Variants in KIF13B observed in about 807,000 individuals in gnomAD.
KIF13B encodes kinesin-like protein KIF13B.
KIF13B carries 127 observed loss-of-function variants against 222.0 expected under a neutral mutation model. The observed-to-expected ratio is 0.57, with a 90% CI of 0.50 to 0.66. The LOEUF (loss-of-function observed/expected upper bound fraction) is 0.66. Among genes scored for constraint, KIF13B ranks in the 30% least tolerant of loss-of-function variants. KIF13B has a pLI of 0.00. For missense variants in KIF13B, 2,173 were observed against 2,379.0 expected (o/e 0.91, Z 1.80); for synonymous variants, 976 against 919.0 (o/e 1.06, Z -1.12).
chr8:29,211,983 CTTAGCATGTTT>C (rs927804127), intron 2 of KIF13B, among the ~76,000 whole-genome samples: 1 of 152,142 alleles, frequency 6.6e-6, no homozygotes, highest in African/African-American at 2.4e-5. Context: ...GTGTCTATCA[CTTAGCATGTTT>C]TTAAGATTCA....
chr8:29,126,351 T>C, intron 26 of KIF13B, 131 bp downstream of exon 26: 1 of 657,574 alleles, frequency 1.5e-6, no homozygotes. Flanking sequence ...TACTCTGTTT[T>C]ACTTTAAAAC....
At chr8:29,090,588 T>G (rs1444471216) in intron 37 of KIF13B, among the ~76,000 whole-genome samples, 1 of 152,204 alleles carries the variant, frequency 6.6e-6, no homozygotes, top group Admixed American at 6.5e-5. Flanking sequence ...CTGGCCACCC[T>G]GAGAAAAGGG....
chr8:29,159,429 T>C (rs1466912037), intron 13 of KIF13B, among the ~76,000 whole-genome samples: 1 of 152,130 alleles, frequency 6.6e-6, no homozygotes, highest in African/African-American at 2.4e-5. Flanking sequence ...GGATTACAGG[T>C]GTGAGCCACC....
At chr8:29,182,065 C>A (rs1812737011) in intron 6 of KIF13B, 59 bp from the exon 7 acceptor site, 1 of 1,247,404 alleles carries the variant, frequency 8.0e-7, no homozygotes, top group African/African-American at 1.5e-5. Context: ...AAAAAGGACT[C>A]AGCTCTGCTC....
At chr8:29,074,111 G>A (rs967251911) in intron 38 of KIF13B, among the ~76,000 whole-genome samples, 10 of 152,106 alleles carry the variant, frequency 6.6e-5, no homozygotes, top group Non-Finnish European at 1.3e-4. Context: ...CCCCCACCCC[G>A]GGTAAGGCCA....
At chr8:29,202,011 G>C (rs1014875868) in intron 2 of KIF13B, among the ~76,000 whole-genome samples, 3 of 152,186 alleles carry the variant, frequency 2.0e-5, no homozygotes, top group Non-Finnish European at 4.4e-5. Flanking sequence ...AGCCCTGTTC[G>C]TTGTGTCCTC....
Position 29,222,172 on chromosome 8 carries a change from C to T in KIF13B, c.149+23174G>A, listed in dbSNP as rs889488037. On this transcript the variant is annotated intron_variant, in intron 2 of 39. Transcript: ENST00000524189. The stretch of plus-strand genomic sequence containing the variant: ...GACCAGCCTGGGCAACAATGTGAGA[C>T]CCCATCTCTACAAAAAAAGAAAAAA... Among the ~76,000 whole-genome samples, 5 of 151,974 alleles carry T rather than the reference C, an allele frequency of 3.3e-5. No homozygotes were observed. In the East Asian group the frequency reaches 9.7e-4, roughly 29 times the overall value.
At chr8:29,112,377 G>T (rs1008579416) in intron 32 of KIF13B, among the ~76,000 whole-genome samples, 2 of 142,230 alleles carry the variant, frequency 1.4e-5, no homozygotes, top group African/African-American at 5.3e-5. Flanking sequence ...AGGTTGCAGT[G>T]AGCCAAGATC....
intron 1 of KIF13B, among the ~76,000 whole-genome samples, chr8:29,245,722 G>C (rs532362581): frequency 6.6e-6 from 1 of 152,214 alleles, no homozygotes; most frequent in African/African-American, 2.4e-5. Flanking sequence ...AGGAATTCTA[G>C]TCAGGGCAGT....
chr8:29,136,066 A>G (rs961523663), intron 21 of KIF13B, among the ~76,000 whole-genome samples: 3 of 152,220 alleles, frequency 2.0e-5, no homozygotes, highest in African/African-American at 7.2e-5. Context: ...AAACACCTAG[A>G]TAGCTACTTC....
chr8:29,148,581 G>A lies in KIF13B; in HGVS notation c.1809C>T (p.Ser603=), dbSNP rs377611054. 2.1e-5 allele frequency: 33 copies of A among 1,596,752 alleles called. No homozygotes were observed. The African/African-American group carries it at 2.7e-4, about 13-fold the overall frequency. The change falls in exon 16 of 40, where the codon AGC becomes AGT. Residue 603 remains serine (S), a synonymous_variant. Coordinates refer to ENST00000524189, the MANE Select transcript of KIF13B (RefSeq NM_015254.4). Reference sequence around the variant, plus strand: ...GTGCACGCCCGACTTGCTCACCATTGCTGCCCAGGGCCTTCATGGTGACCT... The same window carrying A: ...GTGCACGCCCGACTTGCTCACCATTACTGCCCAGGGCCTTCATGGTGACCT... ...QMEVTMKALG[S]NDPMQSILNS...
At chr8:29,247,879 A>C (rs1452028261) in intron 1 of KIF13B, among the ~76,000 whole-genome samples, 2 of 151,862 alleles carry the variant, frequency 1.3e-5, no homozygotes, top group Non-Finnish European at 2.9e-5. Flanking sequence ...AAATTTTTAA[A>C]TAGGCAAAGG....
intron 32 of KIF13B, among the ~76,000 whole-genome samples, chr8:29,111,665 G>T (rs1809360705): frequency 6.6e-6 from 1 of 151,984 alleles, no homozygotes; most frequent in Admixed American, 6.6e-5. Context: ...TTTTTAAAAG[G>T]CATAAGAAAC....
intron 37 of KIF13B, among the ~76,000 whole-genome samples, chr8:29,092,218 G>A (rs1164735509): frequency 2.6e-5 from 4 of 152,208 alleles, no homozygotes; most frequent in Admixed American, 2.6e-4. Context: ...TGATTGTTTG[G>A]AAAACCTTTT....
chr8:29,257,535 G>C (rs1210686463), intron 1 of KIF13B, among the ~76,000 whole-genome samples: 1 of 152,130 alleles, frequency 6.6e-6, no homozygotes, highest in Non-Finnish European at 1.5e-5. Flanking sequence ...GGAGGTGAGA[G>C]GGTAAAAGCT....
intron 14 of KIF13B, among the ~76,000 whole-genome samples, chr8:29,154,031 G>A (rs1199532185): frequency 1.3e-5 from 2 of 152,184 alleles, no homozygotes; most frequent in East Asian, 3.8e-4. Context: ...CTGGATCTTG[G>A]CGAGGCACAG....
intron 35 of KIF13B, among the ~76,000 whole-genome samples, chr8:29,104,295 G>A (rs558574647): frequency 1.3e-5 from 2 of 151,902 alleles, no homozygotes; most frequent in East Asian, 1.9e-4. Context: ...TTCATCTCTC[G>A]GACCTATACA....
At chr8:29,137,949 CAG>C (rs1810639616) in intron 21 of KIF13B, among the ~76,000 whole-genome samples, 1 of 152,200 alleles carries the variant, frequency 6.6e-6, no homozygotes, top group Admixed American at 6.5e-5. Context: ...GTGAATGCAA[CAG>C]ATAGACACAC....
chr8:29,125,088 G>A (rs1810049180), intron 26 of KIF13B, among the ~76,000 whole-genome samples: 1 of 152,116 alleles, frequency 6.6e-6, no homozygotes, highest in African/African-American at 2.4e-5. Flanking sequence ...TTCAATTTAT[G>A]TACCTTAGAA....
Sources: allele counts gnomAD v4.1 joint callset (sites outside exome capture counted in the v4.1 genomes callset), GRCh38; gene constraint gnomAD v4.1.1; transcripts MANE v1.5; gene names NCBI Gene and HGNC (gene_info 2026-07-23, HGNC 2026-07-21).